The following ESRRB variants were observed in gnomAD, a reference collection of about 807,000 sequenced individuals.
ESRRB encodes the protein estrogen related receptor beta.
Under a neutral mutation model 46.0 loss-of-function variants are expected in ESRRB, and 16 were observed. That is an observed-to-expected ratio of 0.35 (90% CI 0.24 to 0.53). The LOEUF is 0.53. ESRRB is among the 20% of genes least tolerant of loss of function. ESRRB has a pLI of 0.93. For synonymous variants in ESRRB, 246 were observed against 259.6 expected (o/e 0.95, Z 0.50); for missense variants, 488 against 607.4 (o/e 0.80, Z 2.07).
At chr14:76,336,513 C>G (rs117072753) in intron 1 of ESRRB, among the ~76,000 whole-genome samples, 2,209 of 152,384 alleles carry the variant, frequency 0.014, 19 homozygotes, top group Non-Finnish European at 0.021. Context: ...TAACCAGACC[C>G]TGATTCCTGG....
chr14:76,369,849 A>C (rs1884578172), upstream of ESRRB, among the ~76,000 whole-genome samples: 1 of 152,158 alleles, frequency 6.6e-6, no homozygotes, highest in Non-Finnish European at 1.5e-5. Context: ...CTTTAGAATT[A>C]ATTTTCCGAA....
At chr14:76,409,116 C>A (rs1181888641) in intron 1 of ESRRB, among the ~76,000 whole-genome samples, 1 of 152,218 alleles carries the variant, frequency 6.6e-6, no homozygotes, top group Non-Finnish European at 1.5e-5. Context: ...CTTCCCCTGA[C>A]AGTTTCTTGG....
intron 5 of ESRRB, among the ~76,000 whole-genome samples, chr14:76,485,848 G>A (rs143866088): frequency 7.8e-4 from 119 of 152,264 alleles, no homozygotes; most frequent in African/African-American, 2.7e-3. Flanking sequence ...GCAAGGTACC[G>A]CATCTCACGA....
Position 76,482,035 on chromosome 14 carries a change from G to A in ESRRB, c.597G>A (p.Val199=). Residue 199 remains valine, a synonymous_variant, in exon 4 of 7, where the codon GTG becomes GTA. Coordinates refer to ENST00000644823, the MANE Select transcript of ESRRB (RefSeq NM_001379180.1). This position sits in a 1 kb window ranked among gnomAD's most constrained non-coding sequence, Gnocchi z 4.3. ...MLKEGVRLDR[V]RGGRQKYKRR... Reference sequence around the variant, plus strand: ...CAATAGGTGTGCGCCTTGATCGAGTGCGTGGAGGCCGTCAGAAATACAAGC... The same window carrying A: ...CAATAGGTGTGCGCCTTGATCGAGTACGTGGAGGCCGTCAGAAATACAAGC... 2 of 1,614,216 alleles carry A rather than the reference G, an allele frequency of 1.2e-6. No individual in the cohort carries two copies. The highest frequency in any genetic ancestry group is 1.7e-6 in the Non-Finnish European group (2 of 1,180,030).
chr14:76,442,401 AG>A (rs1324129131), intron 2 of ESRRB, among the ~76,000 whole-genome samples: 3 of 152,142 alleles, frequency 2.0e-5, no homozygotes, highest in African/African-American at 7.2e-5. Context: ...CCTTAAACCC[AG>A]GAGGCAGAGG....
Position 76,358,393 on chromosome 14 carries a change from A to G in ESRRB, c.2+47477A>G, listed in dbSNP as rs553611728. ...AAAGAAAGAAAGAAAGAAAGAAAGA[A>G]AGAAAGAAAGAAAGAAAGAAAAGAA... On this transcript the variant is annotated intron_variant, in intron 1 of 6. Transcript: ENST00000512784. Among the ~76,000 whole-genome samples the G allele has an allele frequency of 4.7e-4, 57 of 121,966 alleles. 5 individuals are homozygous for G. The highest frequency in any genetic ancestry group is 1.7e-3 in the African/African-American group (53 of 31,888). The allele number at this position is 121,966 out of a possible 152,430, so 80.0% of individuals were successfully genotyped here. A position where few individuals can be genotyped will look rare whatever the true frequency, so the allele number is the denominator to read the frequency against.
chr14:76,369,913 G>A (rs1884579973), upstream of ESRRB, among the ~76,000 whole-genome samples: 1 of 152,184 alleles, frequency 6.6e-6, no homozygotes, highest in Non-Finnish European at 1.5e-5. Context: ...GAATAGACAT[G>A]AAAATGGAGG....
intron 1 of ESRRB, among the ~76,000 whole-genome samples, chr14:76,314,554 C>T (rs1301974966): frequency 1.3e-5 from 2 of 152,156 alleles, no homozygotes; most frequent in African/African-American, 4.8e-5. Flanking sequence ...TCCCCTTTAG[C>T]ACACCAATTA....
intron 1 of ESRRB, among the ~76,000 whole-genome samples, chr14:76,358,419 A>AGAAAG: frequency 6.8e-6 from 1 of 146,510 alleles, no homozygotes; most frequent in African/African-American, 2.5e-5. Flanking sequence ...AAGAAAAGAA[A>AGAAAG]AGAAAAAGAA....
At chr14:76,481,463 A>G (rs1380619425) in intron 3 of ESRRB, among the ~76,000 whole-genome samples, 1 of 152,222 alleles carries the variant, frequency 6.6e-6, no homozygotes, top group Non-Finnish European at 1.5e-5. Context: ...GGCCAGCCCA[A>G]CTGTTGCATT....
chr14:76,491,816 A>G (rs964626200), intron 6 of ESRRB, 100 bp downstream of exon 6: 18 of 1,343,140 alleles, frequency 1.3e-5, no homozygotes, highest in Non-Finnish European at 1.4e-5. Flanking sequence ...GCTGCCATGG[A>G]TAGAGATGAA....
At chr14:76,395,897 G>A (rs554199798) in intron 1 of ESRRB, among the ~76,000 whole-genome samples, 4 of 152,018 alleles carry the variant, frequency 2.6e-5, no homozygotes, top group South Asian at 2.1e-4. Context: ...GCCTTCAGCC[G>A]GGCATGGTGG....
intron 1 of ESRRB, 74 bp from the exon 2 acceptor site, chr14:76,439,267 T>C: frequency 6.4e-7 from 1 of 1,550,854 alleles, no homozygotes; most frequent in Non-Finnish European, 8.9e-7. Context: ...CCAGCCACCC[T>C]ACCTGCGGGG....
intron 3 of ESRRB, among the ~76,000 whole-genome samples, chr14:76,480,211 C>T (rs532652463): frequency 6.6e-6 from 1 of 152,262 alleles, no homozygotes; most frequent in East Asian, 1.9e-4. Flanking sequence ...GTAGACTCCC[C>T]CTCTCCCCGA....
intron 1 of ESRRB, among the ~76,000 whole-genome samples, chr14:76,432,853 G>A (rs1887515171): frequency 6.6e-6 from 1 of 151,590 alleles, no homozygotes; most frequent in Admixed American, 6.6e-5. Context: ...TTTTGTATTT[G>A]TAGTAGAGAT....
intron 1 of ESRRB, among the ~76,000 whole-genome samples, chr14:76,429,385 A>G (rs992514596): frequency 6.6e-5 from 10 of 152,198 alleles, no homozygotes; most frequent in Non-Finnish European, 1.3e-4. Context: ...CTATTGTTGA[A>G]AGCTGAAAGA....
intron 1 of ESRRB, among the ~76,000 whole-genome samples, chr14:76,325,809 C>T (rs943315630): frequency 6.6e-6 from 1 of 152,194 alleles, no homozygotes; most frequent in African/African-American, 2.4e-5. Flanking sequence ...GCCATGAGGG[C>T]GCGCTGGCCC....
intron 2 of ESRRB, among the ~76,000 whole-genome samples, chr14:76,450,250 A>G (rs559931300): frequency 6.6e-6 from 1 of 152,312 alleles, no homozygotes; most frequent in East Asian, 1.9e-4. Context: ...CGTTCCAGGC[A>G]GAGGAAAAAG....
intron 1 of ESRRB, among the ~76,000 whole-genome samples, chr14:76,437,859 T>A (rs924906117): frequency 6.6e-6 from 1 of 152,214 alleles, no homozygotes; most frequent in Admixed American, 6.5e-5. Context: ...GGAACACCCT[T>A]GCCCGCCTTC....
Sources: allele counts gnomAD v4.1 joint callset (sites outside exome capture counted in the v4.1 genomes callset), GRCh38; gene constraint gnomAD v4.1.1; non-coding constraint Gnocchi (gnomAD v3.1); transcripts MANE v1.5; gene names NCBI Gene and HGNC (gene_info 2026-07-23, HGNC 2026-07-21).